SORCS2: variants seen among roughly 807,000 people sequenced by gnomAD.
SORCS2 encodes sortilin related VPS10 domain containing receptor 2, also known as VPS10 domain-containing receptor SorCS2.
In SORCS2, 100 loss-of-function variants were observed where a neutral mutation model predicts 141.6. That is an observed-to-expected ratio of 0.71 (90% CI 0.60 to 0.83). SORCS2 has a LOEUF of 0.83. Ranked by LOEUF, SORCS2 falls within the 40% of genes least tolerant of loss-of-function variation. The pLI is 0.00. For missense variants in SORCS2, 1,646 were observed against 1,560.2 expected (o/e 1.05, Z -0.93); for synonymous variants, 789 against 676.9 (o/e 1.17, Z -2.57).
At chr4:7,590,549 G>A (rs1195831124) in intron 3 of SORCS2, among the ~76,000 whole-genome samples, 2 of 152,204 alleles carry the variant, frequency 1.3e-5, no homozygotes, top group Admixed American at 1.3e-4. Context: ...GCATTCTCAT[G>A]TGCTTTGTCA....
chr4:7,266,399 G>A (rs112492192), intron 1 of SORCS2, among the ~76,000 whole-genome samples: 43 of 152,302 alleles, frequency 2.8e-4, no homozygotes, highest in African/African-American at 7.5e-4. Flanking sequence ...CCTCATTTCC[G>A]TCCTGCCCTC....
At chr4:7,304,992 C>A (rs1463115161) in intron 1 of SORCS2, among the ~76,000 whole-genome samples, 1 of 151,978 alleles carries the variant, frequency 6.6e-6, no homozygotes, top group East Asian at 1.9e-4. Context: ...TTGCTGTCGG[C>A]TCCAGAGTCG....
chr4:7,560,182 T>C (rs1714434695), intron 3 of SORCS2, among the ~76,000 whole-genome samples: 1 of 152,234 alleles, frequency 6.6e-6, no homozygotes, highest in South Asian at 2.1e-4. Flanking sequence ...CTGTTTGTTC[T>C]GTCTCACTCA....
intron 20 of SORCS2, 91 bp from the exon 21 acceptor site, chr4:7,726,689 T>C: frequency 6.6e-7 from 1 of 1,511,312 alleles, no homozygotes; most frequent in East Asian, 2.3e-5. Context: ...GGGACAGCAA[T>C]GCTCTCAGTG....
At chr4:7,256,437 G>T (rs1198317402) in intron 1 of SORCS2, among the ~76,000 whole-genome samples, 1 of 152,148 alleles carries the variant, frequency 6.6e-6, no homozygotes, top group Non-Finnish European at 1.5e-5. Context: ...ACCTCTGGCC[G>T]AGACTTGGCT....
intron 1 of SORCS2, among the ~76,000 whole-genome samples, chr4:7,366,764 C>A (rs926037377): frequency 6.6e-6 from 1 of 152,012 alleles, no homozygotes; most frequent in Non-Finnish European, 1.5e-5. Flanking sequence ...TCATGTCTAC[C>A]CCCCCAACCC....
chr4:7,498,090 A>G (rs1731740273), intron 2 of SORCS2, among the ~76,000 whole-genome samples: 1 of 152,164 alleles, frequency 6.6e-6, no homozygotes, highest in Non-Finnish European at 1.5e-5. Flanking sequence ...ACGCACCCAC[A>G]TTTCAAATGG....
intron 2 of SORCS2, among the ~76,000 whole-genome samples, chr4:7,499,278 G>A (rs1731819572): frequency 6.6e-6 from 1 of 152,230 alleles, no homozygotes; most frequent in African/African-American, 2.4e-5. Context: ...GGGGGACAGT[G>A]AGACGAAGCC....
At chr4:7,436,866 G>T (rs931036808) in intron 2 of SORCS2, among the ~76,000 whole-genome samples, 1 of 152,196 alleles carries the variant, frequency 6.6e-6, no homozygotes, top group Non-Finnish European at 1.5e-5. Context: ...TTCTCTGCTG[G>T]GTCTTATGGA....
intron 2 of SORCS2, among the ~76,000 whole-genome samples, chr4:7,467,836 C>T (rs368519714): frequency 3.5e-4 from 54 of 152,222 alleles, no homozygotes; most frequent in African/African-American, 1.3e-3. Flanking sequence ...TGCAGCTTTC[C>T]TGGGTGCTTT....
chr4:7,492,642 G>A (rs1217471296), intron 2 of SORCS2, among the ~76,000 whole-genome samples: 1 of 152,224 alleles, frequency 6.6e-6, no homozygotes, highest in Non-Finnish European at 1.5e-5. Context: ...CACAGTGGCT[G>A]TAGTTCTGTA....
At chr4:7,452,128 C>G (rs1016799270) in intron 2 of SORCS2, among the ~76,000 whole-genome samples, 2 of 152,038 alleles carry the variant, frequency 1.3e-5, no homozygotes, top group African/African-American at 4.8e-5. Flanking sequence ...ACTCTGCCTT[C>G]CAGATGGAAG....
intron 1 of SORCS2, among the ~76,000 whole-genome samples, chr4:7,368,857 T>C (rs1722072899): frequency 2.0e-5 from 3 of 152,142 alleles, no homozygotes; most frequent in Admixed American, 6.5e-5. Flanking sequence ...GGGCAGGTCT[T>C]TCCTGCATTG....
At position 7,521,927 on chromosome 4, in the gene SORCS2, G is replaced by A. The variant is rs571856887; in HGVS notation, c.549-9603G>A. On this transcript the variant is annotated intron_variant, in intron 2 of 26. Transcript: ENST00000507866. Reference sequence around the variant, plus strand: ...CTTCAAGCAAGGGGTGGTCCATGCCGTAAGCAGGGGACAAGCTGGAGCACA... The same window carrying A: ...CTTCAAGCAAGGGGTGGTCCATGCCATAAGCAGGGGACAAGCTGGAGCACA... Among the ~76,000 whole-genome samples the A allele has an allele frequency of 1.1e-4, 17 of 152,358 alleles. No individual in the cohort carries two copies. In the East Asian group the frequency reaches 1.9e-3, roughly 17 times the overall value.
intron 1 of SORCS2, among the ~76,000 whole-genome samples, chr4:7,334,518 G>C (rs992087181): frequency 6.6e-6 from 1 of 152,218 alleles, no homozygotes. Context: ...CACCTGGGGG[G>C]TGCTCAGTGA....
chr4:7,360,060 T>A, intron 1 of SORCS2, among the ~76,000 whole-genome samples: 2 of 152,344 alleles, frequency 1.3e-5, no homozygotes, highest in South Asian at 4.1e-4. Flanking sequence ...TTTTAATGAA[T>A]CCTTATAGTA....
chr4:7,704,005 C>G (rs1577094669), intron 13 of SORCS2, among the ~76,000 whole-genome samples, 172 bp from the exon 14 acceptor site: 1 of 152,114 alleles, frequency 6.6e-6, no homozygotes, highest in Admixed American at 6.5e-5. Context: ...GCAGATGTAA[C>G]ATAAGCAGAT....
chr4:7,338,748 C>G (rs974217562), intron 1 of SORCS2, among the ~76,000 whole-genome samples: 1 of 152,254 alleles, frequency 6.6e-6, no homozygotes, highest in African/African-American at 2.4e-5. Flanking sequence ...GTGCCTCCAT[C>G]ACAGTTGGAA....
At chr4:7,729,790 G>T in intron 23 of SORCS2, 78 bp downstream of exon 23, 1 of 1,536,658 alleles carries the variant, frequency 6.5e-7, no homozygotes, top group Non-Finnish European at 8.8e-7. Context: ...AAGCAGGGAC[G>T]TCTCAGTGGC....
Sources: gnomAD v4.1 joint callset for allele counts (sites outside exome capture counted in the v4.1 genomes callset) on GRCh38, gnomAD v4.1.1 for gene constraint, MANE v1.5 for transcripts, NCBI Gene and HGNC (gene_info 2026-07-23, HGNC 2026-07-21) for gene names.